TTLL5: variants seen among roughly 807,000 people sequenced by gnomAD.
The protein encoded by TTLL5 is tubulin polyglutamylase TTLL5.
In TTLL5, 132 loss-of-function variants were observed where a neutral mutation model predicts 168.4. The observed-to-expected ratio is 0.78, with a 90% confidence interval of 0.68 to 0.91. The LOEUF (loss-of-function observed/expected upper bound fraction) is 0.91, where lower values mean the gene tolerates loss of function less well. Ranked by LOEUF, TTLL5 falls within the 40% of genes least tolerant of loss-of-function variation. TTLL5 has a pLI of 0.00. For missense variants in TTLL5, 1,545 were observed against 1,581.5 expected (o/e 0.98, Z 0.39); for synonymous variants, 546 against 558.6 (o/e 0.98, Z 0.32).
chr14:75,727,614 A>G (rs1285149387), intron 12 of TTLL5, among the ~76,000 whole-genome samples: 2 of 152,204 alleles, frequency 1.3e-5, no homozygotes, highest in Non-Finnish European at 2.9e-5. Context: ...ACAACTGCAT[A>G]TATTTGTCAA....
At chr14:75,944,801 T>C (rs1365559244) in intron 31 of TTLL5, among the ~76,000 whole-genome samples, 3 of 152,100 alleles carry the variant, frequency 2.0e-5, no homozygotes, top group African/African-American at 7.2e-5. Flanking sequence ...AAACTAGTGA[T>C]TAGTAGCTTC....
At chr14:75,805,588 C>T (rs1249679293) in intron 27 of TTLL5, among the ~76,000 whole-genome samples, 2 of 152,142 alleles carry the variant, frequency 1.3e-5, no homozygotes, top group Admixed American at 1.3e-4. Flanking sequence ...TAGTTTGAGC[C>T]TTTGCTGAGA....
intron 31 of TTLL5, chr14:75,902,539 T>A (rs968686253): frequency 5.8e-6 from 3 of 520,244 alleles, no homozygotes; most frequent in Non-Finnish European, 1.1e-5. Flanking sequence ...TATTTCCGCA[T>A]GTTGTATCTC....
intron 31 of TTLL5, among the ~76,000 whole-genome samples, chr14:75,943,240 G>A (rs1377599876): frequency 1.3e-5 from 2 of 152,154 alleles, no homozygotes; most frequent in African/African-American, 4.8e-5. Context: ...AAGTGACTCT[G>A]TACCCGAATT....
At chr14:75,817,918 A>G (rs1245947679) in intron 27 of TTLL5, among the ~76,000 whole-genome samples, 4 of 144,272 alleles carry the variant, frequency 2.8e-5, no homozygotes, top group African/African-American at 7.9e-5. Flanking sequence ...GCTCACTGCA[A>G]GCTCCACCTC....
chr14:75,749,009 T>G (rs1311347664), intron 17 of TTLL5, among the ~76,000 whole-genome samples: 1 of 152,196 alleles, frequency 6.6e-6, no homozygotes, highest in Non-Finnish European at 1.5e-5. Context: ...CCTGCTTGTT[T>G]TGAAAACCTA....
At chr14:75,681,710 GC>G in intron 4 of TTLL5, 83 bp downstream of exon 4, 1 of 1,184,832 alleles carries the variant, frequency 8.4e-7, no homozygotes, top group Non-Finnish European at 1.3e-6. Context: ...AGTTAACAGG[GC>G]CAGCTCCAGG....
At chr14:75,738,708 C>A (rs1428474707) in intron 15 of TTLL5, among the ~76,000 whole-genome samples, 1 of 152,160 alleles carries the variant, frequency 6.6e-6, no homozygotes, top group Non-Finnish European at 1.5e-5. Context: ...ATACCTGGAA[C>A]TAATGTACTG....
In TTLL5 at chr14:75,912,610, C is replaced by T. The variant is rs201140912; in HGVS notation, c.3823+10386C>T. On this transcript the variant is annotated intron_variant, in intron 31 of 31. Transcript: ENST00000298832. The stretch of plus-strand genomic sequence containing the variant: ...GTTCTAAGATTCCTAATAGGCAGGG[C>T]AAACAGGGAAACATGATAAATTGGA... Among the ~76,000 whole-genome samples, 33 of 152,114 alleles carry T rather than the reference C, an allele frequency of 2.2e-4. No individual in the cohort carries two copies. The East Asian group carries it at 6.4e-3, about 29-fold the overall frequency.
chr14:75,803,687 C>T (rs1252540503), intron 27 of TTLL5, among the ~76,000 whole-genome samples: 1 of 152,168 alleles, frequency 6.6e-6, no homozygotes, highest in Admixed American at 6.5e-5. Flanking sequence ...CTAGAAACAT[C>T]TTGCACCTGG....
At chr14:75,886,667 C>A (rs1566645955) in intron 30 of TTLL5, 3 of 1,591,574 alleles carry the variant, frequency 1.9e-6, no homozygotes, top group Non-Finnish European at 2.5e-6. Flanking sequence ...TCTTGATTTT[C>A]TTCTCCAATG....
Position 75,700,943 on chromosome 14 carries a change from A to G in TTLL5, c.585+1673A>G, listed in dbSNP as rs147430514. Among the ~76,000 whole-genome samples the G allele has an allele frequency of 3.3e-3, 501 of 151,980 alleles. 1 individual carries two copies. The highest frequency in any genetic ancestry group is 6.8e-3 in the Middle Eastern group (2 of 294). The stretch of plus-strand genomic sequence containing the variant: ...ATTTGGCAGGCATTTTCAGTCTGGA[A>G]ACTGGTGTTTTTCTTTAAGGAAAGT... On this transcript the variant is annotated intron_variant, in intron 7 of 31. Transcript: ENST00000298832.
At chr14:75,727,827 A>C (rs985533429) in intron 12 of TTLL5, 3 of 503,976 alleles carry the variant, frequency 6.0e-6, no homozygotes, top group African/African-American at 5.8e-5. Context: ...ATCTGTGATG[A>C]AAGAAATAAG....
At chr14:75,900,928 T>C (rs1396496658) in intron 30 of TTLL5, among the ~76,000 whole-genome samples, 3 of 152,198 alleles carry the variant, frequency 2.0e-5, no homozygotes, top group Non-Finnish European at 2.9e-5. Flanking sequence ...ATCTCCTCAC[T>C]AGTACAGAAC....
intron 17 of TTLL5, among the ~76,000 whole-genome samples, chr14:75,752,035 G>A (rs868021535): frequency 4.6e-5 from 7 of 152,280 alleles, no homozygotes; most frequent in South Asian, 2.1e-4. Flanking sequence ...TTTGTAAACT[G>A]TCGTGGTGCT....
intron 28 of TTLL5, among the ~76,000 whole-genome samples, chr14:75,825,570 C>G (rs543075756): frequency 1.3e-5 from 2 of 152,102 alleles, no homozygotes; most frequent in Non-Finnish European, 2.9e-5. Context: ...GAGCTTTTCT[C>G]TGGAGCAGTT....
chr14:75,762,395 AAAATAAAT>A (rs758956557), intron 18 of TTLL5, among the ~76,000 whole-genome samples: 1 of 152,298 alleles, frequency 6.6e-6, no homozygotes, highest in South Asian at 2.1e-4. Context: ...ACTCCGTCTC[AAAATAAAT>A]AAATAAATAA....
chr14:75,826,715 T>C (rs1264263542), intron 28 of TTLL5, among the ~76,000 whole-genome samples: 1 of 152,210 alleles, frequency 6.6e-6, no homozygotes. Context: ...TTAATTCTCC[T>C]GGCATGGTTT....
At chr14:75,866,912 A>T (rs2030563130) in intron 29 of TTLL5, among the ~76,000 whole-genome samples, 1 of 152,228 alleles carries the variant, frequency 6.6e-6, no homozygotes, top group Non-Finnish European at 1.5e-5. Context: ...AGGAACAGAG[A>T]TACAAGAAAC....
Sources: allele counts gnomAD v4.1 joint callset (sites outside exome capture counted in the v4.1 genomes callset), GRCh38; gene constraint gnomAD v4.1.1; transcripts MANE v1.5; gene names NCBI Gene and HGNC (gene_info 2026-07-23, HGNC 2026-07-21).